The following ZNF385A variants were observed in gnomAD, a reference collection of about 807,000 sequenced individuals.
ZNF385A encodes zinc finger protein 385A.
A neutral mutation model predicts 32.1 loss-of-function variants in ZNF385A; 14 were observed. The ratio of observed to expected loss-of-function variants is 0.44; its 90% CI spans 0.29 to 0.68. ZNF385A has a LOEUF of 0.68. Among genes scored for constraint, ZNF385A ranks in the 30% least tolerant of loss-of-function variants. ZNF385A has a pLI of 0.14. For missense variants in ZNF385A, 406 were observed against 478.4 expected (o/e 0.85, Z 1.41); for synonymous variants, 197 against 202.7 (o/e 0.97, Z 0.24).
upstream of ZNF385A, among the ~76,000 whole-genome samples, chr12:54,389,339 G>T (rs560404062): frequency 5.3e-5 from 8 of 152,324 alleles, no homozygotes; most frequent in African/African-American, 1.9e-4. Context: ...GTCCCTGGGG[G>T]TCCCTGGGGG....
upstream of ZNF385A, among the ~76,000 whole-genome samples, chr12:54,388,663 C>T (rs1407975731): frequency 2.0e-5 from 3 of 152,090 alleles, no homozygotes; most frequent in African/African-American, 7.2e-5. Flanking sequence ...AGCACAGGGC[C>T]AGTACTGGGT....
At position 54,370,988 on chromosome 12, in the gene ZNF385A, T is replaced by C. The variant is rs781170605; in HGVS notation, c.713A>G (p.Asp238Gly). ...GCAGATCTCACAGTGGAAAGTTCGG[T>C]CCTGGGCAGGAGCCTCTGGTTCCCC... ...TPGEPEAPAQDRTFHCEICNV... is the reference protein window; with the variant it reads ...TPGEPEAPAQGRTFHCEICNV... The change falls in exon 5 of 7, where the codon GAC becomes GGC. Residue 238 changes from aspartate to glycine, a missense_variant. Physicochemically the swap from Asp to Gly is moderately conservative, Grantham distance 94. Transcript: ENST00000394313. This position sits in a 1 kb window ranked among gnomAD's most constrained non-coding sequence, Gnocchi z 5.5. The C allele has an allele frequency of 6.2e-7, 1 of 1,614,166 alleles. No homozygotes were observed. The highest frequency in any genetic ancestry group is 8.5e-7 in the Non-Finnish European group (1 of 1,180,020).
upstream of ZNF385A, among the ~76,000 whole-genome samples, chr12:54,386,049 G>C (rs934096428): frequency 1.3e-5 from 2 of 152,084 alleles, no homozygotes; most frequent in Non-Finnish European, 2.9e-5. Context: ...TTGGGCTTCA[G>C]AATTCTCAGG....
chr12:54,373,351 T>G (rs1279356520), intron 3 of ZNF385A, among the ~76,000 whole-genome samples: 1 of 152,112 alleles, frequency 6.6e-6, no homozygotes, highest in East Asian at 1.9e-4. Context: ...TATCTTCCTG[T>G]CTCAATATTC....
intron 1 of ZNF385A, among the ~76,000 whole-genome samples, chr12:54,380,731 T>C (rs1408360727): frequency 6.6e-6 from 1 of 152,176 alleles, no homozygotes; most frequent in Non-Finnish European, 1.5e-5. Context: ...TACTCCTCTT[T>C]TAAATAAAAA....
At chr12:54,384,818 A>G (rs138481499), upstream of ZNF385A, 79 of 1,221,798 alleles carry the variant, frequency 6.5e-5, no homozygotes, top group Non-Finnish European at 7.5e-5. Context: ...TCCCTCCCCC[A>G]AACTCCTTAG....
chr12:54,379,459 T>C (rs1251608896), intron 1 of ZNF385A, among the ~76,000 whole-genome samples: 2 of 151,996 alleles, frequency 1.3e-5, no homozygotes, highest in African/African-American at 4.8e-5. Flanking sequence ...GGCTCCTTCT[T>C]GGGTCCAGGG....
intron 1 of ZNF385A, among the ~76,000 whole-genome samples, chr12:54,377,749 A>G (rs1954920165): frequency 6.6e-6 from 1 of 152,174 alleles, no homozygotes; most frequent in African/African-American, 2.4e-5. Context: ...ACTCTGTTCC[A>G]GAGTTCTCCT....
chr12:54,385,262 C>T (rs1955415921), upstream of ZNF385A: 2 of 152,284 alleles, frequency 1.3e-5, no homozygotes, highest in Non-Finnish European at 2.9e-5. Context: ...AGGTCCAGTT[C>T]TGCAGGAGGA....
rs1295001203 is a variant in ZNF385A, at chr12:54,371,516, C to T, written c.561G>A (p.Lys187=). Residue 187 remains lysine, a synonymous_variant, in exon 4 of 7, where the codon AAG becomes AAA. Transcript: ENST00000394313. The part of the protein sequence containing the change: ...AKRLLYCALC[K]VAVNSLSQLE... ...GCTGGGACAGGGAGTTCACAGCCAC[C>T]TTGCACAGAGCACAGTAGAGCAGCC... is the stretch of plus-strand genomic sequence containing the variant. 4 of 1,612,778 alleles carry T rather than the reference C, an allele frequency of 2.5e-6. No individual in the cohort carries two copies. The highest frequency in any genetic ancestry group is 2.2e-5 in the South Asian group (2 of 90,996).
intron 1 of ZNF385A, among the ~76,000 whole-genome samples, chr12:54,382,842 T>C (rs55870052): frequency 6.6e-6 from 1 of 151,266 alleles, no homozygotes; most frequent in Admixed American, 6.6e-5. Context: ...CTTTTTTTTT[T>C]AAAAAAAATA....
At chr12:54,388,236 C>T (rs1174210423), upstream of ZNF385A, among the ~76,000 whole-genome samples, 1 of 152,190 alleles carries the variant, frequency 6.6e-6, no homozygotes, top group Admixed American at 6.5e-5. Flanking sequence ...AAGCTCCCAA[C>T]ATGATTTAGA....
chr12:54,386,122 G>T (rs975978375), upstream of ZNF385A, among the ~76,000 whole-genome samples: 1 of 151,740 alleles, frequency 6.6e-6, no homozygotes. Flanking sequence ...TGTATGCTTT[G>T]TGTCTATTCC....
rs1955633496 is a variant in ZNF385A at position 54,391,240 on chromosome 12, A to T, written c.5T>A (p.Ile2Asn). The change falls in exon 1 of 8, where the codon ATC (isoleucine) becomes AAC (asparagine). Residue 2 changes from isoleucine to asparagine, a missense_variant. Ile to Asn is a moderately radical substitution (Grantham distance 149). Transcript: ENST00000338010. ...GAGTCGCAGAGACCACTCACCGAGGATCATGCTGGGGACCCAGGCGCCCGG... is the reference window on the plus strand; with the variant it reads ...GAGTCGCAGAGACCACTCACCGAGGTTCATGCTGGGGACCCAGGCGCCCGG... 7.0e-7 allele frequency: 1 copy of T among 1,432,698 alleles called. No individual in the cohort carries two copies. Among genetic ancestry groups the T allele is most frequent in the East Asian group, 3.0e-5 (1 of 33,134 alleles). The allele number at this position is 1,432,698 out of a possible 1,614,324, so 88.7% of individuals were successfully genotyped here.
At chr12:54,385,952 T>C (rs1955461363), upstream of ZNF385A, among the ~76,000 whole-genome samples, 1 of 151,214 alleles carries the variant, frequency 6.6e-6, no homozygotes, top group Admixed American at 6.6e-5. Context: ...TCCAGAAAGG[T>C]CTGGAGGGGT....
chr12:54,375,365 T>C (rs932182834), intron 2 of ZNF385A, among the ~76,000 whole-genome samples: 12 of 149,900 alleles, frequency 8.0e-5, no homozygotes, highest in African/African-American at 2.9e-4. Flanking sequence ...GGGAGGAGAG[T>C]AGAAATGGGG....
upstream of ZNF385A, among the ~76,000 whole-genome samples, chr12:54,387,964 T>C (rs1955536763): frequency 6.6e-6 from 1 of 151,866 alleles, no homozygotes; most frequent in African/African-American, 2.4e-5. Flanking sequence ...GAGTAGGAAG[T>C]GTGGGGCTTT....
intron 1 of ZNF385A, among the ~76,000 whole-genome samples, chr12:54,376,172 C>T (rs1250719768): frequency 6.6e-6 from 1 of 152,190 alleles, no homozygotes; most frequent in African/African-American, 2.4e-5. Flanking sequence ...TCCCATTTTA[C>T]AGGACATAGA....
chr12:54,387,920 C>T (rs912694291), upstream of ZNF385A, among the ~76,000 whole-genome samples: 2 of 151,282 alleles, frequency 1.3e-5, no homozygotes, highest in Non-Finnish European at 2.9e-5. Flanking sequence ...GGGGAAAAGG[C>T]AGGAATATAG....
Sources: gnomAD v4.1 joint callset for allele counts (sites outside exome capture counted in the v4.1 genomes callset) on GRCh38, gnomAD v4.1.1 for gene constraint, Gnocchi (gnomAD v3.1) non-coding constraint, MANE v1.5 for transcripts, NCBI Gene and HGNC (gene_info 2026-07-23, HGNC 2026-07-21) for gene names.